The following TLE4 variants were observed in gnomAD, a reference collection of about 807,000 sequenced individuals.
The protein encoded by TLE4 is TLE family member 4, transcriptional corepressor, also known as transducin-like enhancer protein 4.
In TLE4, 8 loss-of-function variants were observed where a neutral mutation model predicts 92.8. The ratio of observed to expected loss-of-function variants is 0.09; its 90% confidence interval spans 0.05 to 0.16. The LOEUF (loss-of-function observed/expected upper bound fraction) is 0.16, where lower values mean the gene tolerates loss of function less well. Among genes scored for constraint, TLE4 ranks in the 10% least tolerant of loss-of-function variants. The probability of loss-of-function intolerance (pLI) is 1.00; values close to 1 mark genes in which losing one functional copy is unlikely to be tolerated. For synonymous variants in TLE4, 371 were observed against 374.1 expected, an observed-to-expected ratio of 0.99 and a Z score of 0.10; for missense variants, 675 against 997.6, an observed-to-expected ratio of 0.68 and a Z score of 4.36.
intron 8 of TLE4, among the ~76,000 whole-genome samples, chr9:79,691,913 C>T (rs1380949057): frequency 6.6e-6 from 1 of 151,864 alleles, no homozygotes; most frequent in Non-Finnish European, 1.5e-5. Flanking sequence ...TTTTAATGTC[C>T]CTTAACTAGA....
intron 8 of TLE4, among the ~76,000 whole-genome samples, chr9:79,685,426 G>A (rs2065646530): frequency 6.6e-6 from 1 of 152,148 alleles, no homozygotes; most frequent in East Asian, 1.9e-4. Flanking sequence ...TTTTAAAACA[G>A]ATCAATTTCA....
intron 4 of TLE4, among the ~76,000 whole-genome samples, chr9:79,593,806 C>A (rs971508367): frequency 2.6e-5 from 4 of 152,088 alleles, no homozygotes; most frequent in Non-Finnish European, 5.9e-5. Flanking sequence ...ACATAAAATA[C>A]ATACCACAAA....
intron 5 of TLE4, among the ~76,000 whole-genome samples, chr9:79,619,777 G>T (rs1322584809): frequency 6.6e-6 from 1 of 152,184 alleles, no homozygotes; most frequent in Non-Finnish European, 1.5e-5. Flanking sequence ...TAATAGACAT[G>T]GATTGGGGCT....
intron 4 of TLE4, among the ~76,000 whole-genome samples, chr9:79,593,895 T>G (rs960032725): frequency 4.6e-5 from 7 of 152,222 alleles, no homozygotes; most frequent in African/African-American, 1.7e-4. Flanking sequence ...CTTCAACTCC[T>G]TATAGGCAAT....
intron 6 of TLE4, among the ~76,000 whole-genome samples, chr9:79,644,433 C>G (rs147918114): frequency 4.7e-4 from 71 of 152,288 alleles, no homozygotes; most frequent in Admixed American, 1.6e-3. Context: ...TCATGTCATA[C>G]AATTCTTCCA....
At chr9:79,600,511 T>G (rs187033513) in intron 4 of TLE4, among the ~76,000 whole-genome samples, 2 of 152,262 alleles carry the variant, frequency 1.3e-5, no homozygotes, top group Non-Finnish European at 2.9e-5. Context: ...GGAATTAATT[T>G]CAGTAAAAAC....
At chr9:79,592,177 CTCTTCCTCT>C (rs1187722681) in intron 4 of TLE4, among the ~76,000 whole-genome samples, 3 of 115,916 alleles carry the variant, frequency 2.6e-5, no homozygotes, top group Admixed American at 8.9e-5. Context: ...CTTCCTCTTC[CTCTTCCTCT>C]TCTTCTTCTT....
At chr9:79,629,332 GTTCCC>G (rs1472556649) in intron 6 of TLE4, among the ~76,000 whole-genome samples, 2 of 151,976 alleles carry the variant, frequency 1.3e-5, no homozygotes, top group African/African-American at 4.8e-5. Context: ...ATCAGAACAA[GTTCCC>G]TTCACTTCAC....
chr9:79,640,771 C>T (rs918053440), intron 6 of TLE4, among the ~76,000 whole-genome samples: 4 of 152,134 alleles, frequency 2.6e-5, no homozygotes, highest in Non-Finnish European at 5.9e-5. Flanking sequence ...TAGCCGGTCT[C>T]CTGCCCTTCA....
In TLE4 at chr9:79,721,709, C is replaced by T. The variant is rs752366716; in HGVS notation, c.1839-32C>T. 1.9e-6 allele frequency: 3 copies of T among 1,613,552 alleles called. No homozygotes were observed. The East Asian group carries it at 6.7e-5, about 36-fold the overall frequency. On this transcript the variant is annotated intron_variant, in intron 16 of 19. Transcript: ENST00000376552. ...TGATTTTAACTAAAAGCTAACTTTTCAAGGGCTTTCCCTCCATTTTGACAT... is the reference window on the plus strand; with the variant it reads ...TGATTTTAACTAAAAGCTAACTTTTTAAGGGCTTTCCCTCCATTTTGACAT...
At chr9:79,710,297 G>A (rs191147210) in intron 14 of TLE4, among the ~76,000 whole-genome samples, 318 of 152,256 alleles carry the variant, frequency 2.1e-3, no homozygotes, top group South Asian at 6.8e-3. Flanking sequence ...CCTAATCACA[G>A]TTGTCTCTGC....
At chr9:79,627,860 A>G (rs1227389998) in intron 6 of TLE4, 1 of 161,028 alleles carries the variant, frequency 6.2e-6, no homozygotes, top group East Asian at 1.9e-4. Flanking sequence ...ACATTTTCAC[A>G]TCTCCCGTTC....
intron 4 of TLE4, among the ~76,000 whole-genome samples, chr9:79,578,440 T>C (rs1285487541): frequency 1.3e-5 from 2 of 152,196 alleles, no homozygotes; most frequent in Non-Finnish European, 2.9e-5. Context: ...ATATTTATTT[T>C]TAGAGAAATT....
intron 14 of TLE4, among the ~76,000 whole-genome samples, chr9:79,712,015 ATTTCT>A (rs2073419465): frequency 6.6e-6 from 1 of 152,196 alleles, no homozygotes; most frequent in Non-Finnish European, 1.5e-5. Flanking sequence ...TTTATGCACA[ATTTCT>A]TTGTGAGCTT....
At chr9:79,658,241 C>T (rs754918868) in intron 8 of TLE4, among the ~76,000 whole-genome samples, 6 of 152,112 alleles carry the variant, frequency 3.9e-5, no homozygotes, top group Admixed American at 2.0e-4. Flanking sequence ...CCACACAATC[C>T]GCCAATATGG....
Position 79,640,259 on chromosome 9 carries a change from A to G in TLE4, c.391-12334A>G, listed in dbSNP as rs898528651. Among the ~76,000 whole-genome samples the G allele has an allele frequency of 1.3e-5, 2 of 152,142 alleles. 1 individual carries two copies. The highest frequency in any genetic ancestry group is 4.1e-4 in the South Asian group (2 of 4,824). ...CAAGGTGTATTAAGGATGTGGAAAAATGTTCTTAATACATGGTAAACAGGA... is the reference window on the plus strand; with the variant it reads ...CAAGGTGTATTAAGGATGTGGAAAAGTGTTCTTAATACATGGTAAACAGGA... On this transcript the variant is annotated intron_variant, in intron 6 of 19. Coordinates refer to ENST00000376552, the MANE Select transcript of TLE4 (RefSeq NM_007005.6).
Position 79,627,545 on chromosome 9 carries a change from C to G in TLE4, c.390+97C>G, listed in dbSNP as rs577180091. On this transcript the variant is annotated intron_variant, in intron 6 of 19. Transcript: ENST00000376552. ...TTTGTTCCGCCAAAGGGGCAAAAAG[C>G]AATAGATGACTACAAAATGAAATTA... is the stretch of plus-strand genomic sequence containing the variant. The G allele has an allele frequency of 2.3e-4, 263 of 1,164,794 alleles. 2 individuals are homozygous for G. In the East Asian group the frequency reaches 6.0e-3, roughly 27 times the overall value. The allele number at this position is 1,164,794 out of a possible 1,614,324, so 72.2% of individuals were successfully genotyped here. A position where few individuals can be genotyped will look rare whatever the true frequency, so the allele number is the denominator to read the frequency against.
intron 8 of TLE4, among the ~76,000 whole-genome samples, chr9:79,675,794 T>C (rs2063157400): frequency 1.3e-5 from 2 of 152,218 alleles, no homozygotes; most frequent in African/African-American, 2.4e-5. Flanking sequence ...TAGAATCTTA[T>C]ACCAGTTAAG....
intron 8 of TLE4, among the ~76,000 whole-genome samples, chr9:79,677,498 A>G (rs926895454): frequency 1.3e-5 from 2 of 152,104 alleles, no homozygotes; most frequent in African/African-American, 2.4e-5. Context: ...TACTTAGTTG[A>G]AAGTATTGGA....
Sources: gnomAD v4.1 joint callset for allele counts (sites outside exome capture counted in the v4.1 genomes callset) on GRCh38, gnomAD v4.1.1 for gene constraint, MANE v1.5 for transcripts, NCBI Gene and HGNC (gene_info 2026-07-23, HGNC 2026-07-21) for gene names.